Variants in EYA2 observed in about 807,000 individuals in gnomAD.
EYA2 encodes the protein EYA transcriptional coactivator and phosphatase 2.
In EYA2, 31 loss-of-function variants were observed where a neutral mutation model predicts 69.2. That is an observed-to-expected ratio of 0.45 (90% CI 0.34 to 0.60). EYA2 has a LOEUF of 0.60. Among genes scored for constraint, EYA2 ranks in the 20% least tolerant of loss-of-function variants. The pLI is 0.02. For missense variants in EYA2, 622 were observed against 701.2 expected (o/e 0.89, Z 1.28); for synonymous variants, 257 against 279.4 (o/e 0.92, Z 0.80).
At chr20:47,160,455 A>G (rs2034041300) in intron 10 of EYA2, among the ~76,000 whole-genome samples, 1 of 152,066 alleles carries the variant, frequency 6.6e-6, no homozygotes, top group Non-Finnish European at 1.5e-5. Flanking sequence ...CCTCTGATCT[A>G]GGTGGGAGAT....
At chr20:47,084,720 TA>T (rs1227159084) in intron 7 of EYA2, among the ~76,000 whole-genome samples, 1 of 152,144 alleles carries the variant, frequency 6.6e-6, no homozygotes, top group Admixed American at 6.5e-5. Context: ...GGAATGGCTT[TA>T]ATCACAAAGA....
chr20:46,968,694 A>G (rs1979940037), intron 1 of EYA2, among the ~76,000 whole-genome samples: 1 of 152,096 alleles, frequency 6.6e-6, no homozygotes, highest in South Asian at 2.1e-4. Context: ...TACCCACCGG[A>G]TGCCAATAGC....
In EYA2 at chr20:46,944,690, A is replaced by ACATATCTATGCCACAGATACAAAATT. The variant is rs537538549; in HGVS notation, c.-10-45308_-10-45307insATCTATGCCACAGATACAAAATTCAT. Among the ~76,000 whole-genome samples the ACATATCTATGCCACAGATACAAAATT allele has an allele frequency of 3.9e-4, 60 of 152,338 alleles. 1 individual carries two copies. The East Asian group carries it at 0.011, about 28-fold the overall frequency. On this transcript the variant is annotated intron_variant, in intron 1 of 15. Coordinates refer to ENST00000327619, the MANE Select transcript of EYA2 (RefSeq NM_005244.5). Reference sequence around the variant, plus strand: ...TTTTGAAAATGTTTGTGTATGTCTCACATCTTACCTAATTCATGCCCCTGC... The same window carrying ACATATCTATGCCACAGATACAAAATT: ...TTTTGAAAATGTTTGTGTATGTCTCACATATCTATGCCACAGATACAAAATTCATCTTACCTAATTCATGCCCCTGC...
At chr20:46,987,956 CTCTCTCTCTATATATATATA>C (rs1981367309) in intron 1 of EYA2, among the ~76,000 whole-genome samples, 1 of 37,278 alleles carries the variant, frequency 2.7e-5, no homozygotes, top group African/African-American at 1.1e-4. Context: ...CTCTCTCTCT[CTCTCTCTCTATATATATATA>C]TATATATATA....
chr20:47,018,559 C>T (rs1245383924), intron 5 of EYA2, among the ~76,000 whole-genome samples: 1 of 152,108 alleles, frequency 6.6e-6, no homozygotes, highest in African/African-American at 2.4e-5. Context: ...AGGGGCCTCC[C>T]GATGGAAAGG....
intron 9 of EYA2, among the ~76,000 whole-genome samples, chr20:47,112,261 C>T (rs2032765858): frequency 6.6e-6 from 1 of 152,036 alleles, no homozygotes; most frequent in Non-Finnish European, 1.5e-5. Flanking sequence ...AATAATGCCT[C>T]AAAGTGAAAA....
At chr20:46,899,759 G>T (rs1464696516) in intron 1 of EYA2, among the ~76,000 whole-genome samples, 1 of 152,236 alleles carries the variant, frequency 6.6e-6, no homozygotes, top group Non-Finnish European at 1.5e-5. Flanking sequence ...CCAGCAGGCT[G>T]CGGGTCAGTG....
intron 9 of EYA2, among the ~76,000 whole-genome samples, chr20:47,113,853 TG>T (rs1416562755): frequency 7.5e-5 from 6 of 79,716 alleles, no homozygotes; most frequent in South Asian, 8.8e-4. Context: ...AATTCCTAGA[TG>T]GGTTTTTTTT....
intron 1 of EYA2, among the ~76,000 whole-genome samples, chr20:46,943,460 G>A (rs1282353286): frequency 6.6e-6 from 1 of 152,226 alleles, no homozygotes; most frequent in African/African-American, 2.4e-5. Context: ...CAGAGTTGTT[G>A]TGAGATCAAT....
chr20:47,021,346 G>C (rs907508514), intron 5 of EYA2, among the ~76,000 whole-genome samples: 3 of 152,132 alleles, frequency 2.0e-5, no homozygotes, highest in African/African-American at 7.2e-5. Context: ...TTAAAAACAG[G>C]CCAAGTGCAG....
intron 5 of EYA2, among the ~76,000 whole-genome samples, chr20:47,057,369 G>A (rs1440393742): frequency 6.6e-6 from 1 of 152,196 alleles, no homozygotes; most frequent in Non-Finnish European, 1.5e-5. Context: ...AATAGACTAT[G>A]AAGCCTGGGA....
intron 1 of EYA2, among the ~76,000 whole-genome samples, chr20:46,913,478 A>G (rs1984749201): frequency 6.6e-6 from 1 of 152,186 alleles, no homozygotes; most frequent in African/African-American, 2.4e-5. Context: ...ATCTGAGCAG[A>G]GGAAGGACAT....
intron 5 of EYA2, among the ~76,000 whole-genome samples, chr20:47,057,139 G>GGA (rs1555818578): frequency 3.1e-5 from 4 of 129,180 alleles, no homozygotes; most frequent in African/African-American, 8.9e-5. Flanking sequence ...AGGAAGGAGG[G>GGA]AGGAAGGAAG....
intron 15 of EYA2, among the ~76,000 whole-genome samples, chr20:47,185,342 C>CCAG (rs2034619308): frequency 7.5e-6 from 1 of 133,724 alleles, no homozygotes; most frequent in South Asian, 2.4e-4. Flanking sequence ...ACTGTGTCGC[C>CCAG]CAGGCTGGAG....
At chr20:47,124,771 C>T (rs1174871242) in intron 9 of EYA2, among the ~76,000 whole-genome samples, 1 of 152,048 alleles carries the variant, frequency 6.6e-6, no homozygotes, top group Admixed American at 6.6e-5. Context: ...ATCCACAATC[C>T]ATTTTATCTA....
At chr20:46,987,415 T>C (rs1981301863) in intron 1 of EYA2, among the ~76,000 whole-genome samples, 1 of 152,212 alleles carries the variant, frequency 6.6e-6, no homozygotes. Flanking sequence ...TTACGGGCCA[T>C]AGGTAGTGTC....
At chr20:47,071,494 A>G (rs2031313534) in intron 5 of EYA2, among the ~76,000 whole-genome samples, 1 of 151,764 alleles carries the variant, frequency 6.6e-6, no homozygotes. Context: ...AAAGTGAAAC[A>G]CTTAAATGAC....
At chr20:47,151,222 CT>C (rs2033815930) in intron 10 of EYA2, among the ~76,000 whole-genome samples, 1 of 151,844 alleles carries the variant, frequency 6.6e-6, no homozygotes, top group Non-Finnish European at 1.5e-5. Flanking sequence ...AATACAAAAA[CT>C]AGCAGGTCAT....
chr20:47,121,401 A>G lies in EYA2; in HGVS notation c.889-21658A>G, dbSNP rs113575964. On this transcript the variant is annotated intron_variant, in intron 9 of 15. Transcript: ENST00000327619. ...AGCCACCGTGCCCCGCCAGAATTCA[A>G]TGTTTTCGTAGGGGTAGTTATTTCA... is the stretch of plus-strand genomic sequence containing the variant. Among the ~76,000 whole-genome samples, 508 of 152,236 alleles carry G rather than the reference A, an allele frequency of 3.3e-3. 5 individuals carry two copies. The highest frequency in any genetic ancestry group is 0.011 in the African/African-American group (470 of 41,546).
Sources: allele counts gnomAD v4.1 joint callset (sites outside exome capture counted in the v4.1 genomes callset), GRCh38; gene constraint gnomAD v4.1.1; transcripts MANE v1.5; gene names NCBI Gene and HGNC (gene_info 2026-07-23, HGNC 2026-07-21).